The following PTPRG variants were observed in gnomAD, a reference collection of about 807,000 sequenced individuals.
PTPRG encodes receptor-type tyrosine-protein phosphatase gamma.
Under a neutral mutation model 165.3 loss-of-function variants are expected in PTPRG, and 102 were observed. The observed-to-expected ratio is 0.62, with a 90% CI of 0.53 to 0.73. The LOEUF is 0.73. PTPRG is among the 30% of genes least tolerant of loss of function. The pLI is 0.00. For missense variants in PTPRG, 1,866 were observed against 1,861.4 expected (o/e 1.00, Z -0.05); for synonymous variants, 675 against 669.5 (o/e 1.01, Z -0.13).
chr3:61,682,445 A>G (rs1312316558), intron 1 of PTPRG, among the ~76,000 whole-genome samples: 1 of 152,188 alleles, frequency 6.6e-6, no homozygotes, highest in Non-Finnish European at 1.5e-5. Flanking sequence ...GGTATGGGTG[A>G]TGGGGACATA....
At chr3:61,642,269 A>T (rs1010872169) in intron 1 of PTPRG, among the ~76,000 whole-genome samples, 5 of 152,102 alleles carry the variant, frequency 3.3e-5, no homozygotes, top group African/African-American at 1.2e-4. Context: ...TTGTAAAGCC[A>T]TCATTCAGTT....
chr3:61,880,338 A>G (rs2037850144), intron 2 of PTPRG, among the ~76,000 whole-genome samples: 1 of 152,200 alleles, frequency 6.6e-6, no homozygotes, highest in Non-Finnish European at 1.5e-5. Flanking sequence ...GGCCGTGCAC[A>G]ATGGCTCATG....
chr3:62,039,562 T>C (rs1043599190), intron 4 of PTPRG, among the ~76,000 whole-genome samples: 45 of 152,236 alleles, frequency 3.0e-4, no homozygotes, highest in African/African-American at 1.0e-3. Flanking sequence ...TACAGAAATA[T>C]GAACTTCAGT....
chr3:61,734,467 A>G (rs1048873548), intron 1 of PTPRG, among the ~76,000 whole-genome samples: 1 of 152,066 alleles, frequency 6.6e-6, no homozygotes, highest in Non-Finnish European at 1.5e-5. Flanking sequence ...CATTTAATAA[A>G]CCTTTGTAAG....
intron 6 of PTPRG, among the ~76,000 whole-genome samples, chr3:62,156,043 C>G (rs1704524307): frequency 6.6e-6 from 1 of 152,230 alleles, no homozygotes; most frequent in Non-Finnish European, 1.5e-5. Flanking sequence ...AGAACCTTCT[C>G]TGACTCACGA....
At chr3:61,813,141 C>T (rs1004697687) in intron 2 of PTPRG, among the ~76,000 whole-genome samples, 12 of 151,566 alleles carry the variant, frequency 7.9e-5, no homozygotes, top group African/African-American at 1.9e-4. Flanking sequence ...TGGGGCTCAA[C>T]GGAATGGTAG....
intron 1 of PTPRG, among the ~76,000 whole-genome samples, chr3:61,716,555 CT>C (rs150174121): frequency 0.065 from 9,879 of 152,200 alleles, 590 homozygotes; most frequent in African/African-American, 0.16. Flanking sequence ...ATTGCGTACT[CT>C]TTTTTTCTCT....
chr3:62,161,364 G>A (rs1003022961), intron 7 of PTPRG, among the ~76,000 whole-genome samples: 1 of 152,116 alleles, frequency 6.6e-6, no homozygotes, highest in African/African-American at 2.4e-5. Context: ...AAACAAGTGA[G>A]ATTAATTTTA....
At chr3:61,898,743 G>A (rs1258556738) in intron 2 of PTPRG, among the ~76,000 whole-genome samples, 18 of 152,198 alleles carry the variant, frequency 1.2e-4, no homozygotes, top group Admixed American at 1.1e-3. Context: ...TCTACTTGCT[G>A]TTGAAGTGAA....
At chr3:61,897,661 C>T (rs1314389813) in intron 2 of PTPRG, among the ~76,000 whole-genome samples, 2 of 152,146 alleles carry the variant, frequency 1.3e-5, no homozygotes, top group Non-Finnish European at 2.9e-5. Context: ...TAGTATAGAT[C>T]AGTTTGGGGA....
intron 1 of PTPRG, among the ~76,000 whole-genome samples, chr3:61,579,830 G>A (rs1372809810): frequency 6.6e-6 from 1 of 152,216 alleles, no homozygotes; most frequent in Non-Finnish European, 1.5e-5. Context: ...CTTGGCCACT[G>A]TAGGGATACA....
At chr3:62,215,304 C>CT (rs1292674267) in intron 12 of PTPRG, among the ~76,000 whole-genome samples, 1 of 152,174 alleles carries the variant, frequency 6.6e-6, no homozygotes, top group Non-Finnish European at 1.5e-5. Flanking sequence ...ATGAAATCAA[C>CT]TTTATCATGC....
chr3:62,215,572 C>T (rs187149040), intron 12 of PTPRG, among the ~76,000 whole-genome samples: 118 of 133,426 alleles, frequency 8.8e-4, no homozygotes, highest in African/African-American at 3.1e-3. Context: ...AATTATTACA[C>T]ACTTTCACCA....
At chr3:61,776,411 C>A (rs2034383563) in intron 2 of PTPRG, among the ~76,000 whole-genome samples, 1 of 152,196 alleles carries the variant, frequency 6.6e-6, no homozygotes, top group Non-Finnish European at 1.5e-5. Context: ...AGGCGCTTTC[C>A]CCTGCTGTGC....
intron 2 of PTPRG, among the ~76,000 whole-genome samples, chr3:61,902,771 T>G (rs2038531896): frequency 6.6e-6 from 1 of 152,146 alleles, no homozygotes; most frequent in Non-Finnish European, 1.5e-5. Flanking sequence ...CTGGTAAATC[T>G]TTATTGAGCA....
intron 1 of PTPRG, among the ~76,000 whole-genome samples, chr3:61,563,842 C>G (rs1040023887): frequency 3.3e-5 from 5 of 152,188 alleles, no homozygotes; most frequent in African/African-American, 1.2e-4. Flanking sequence ...GCGAATGCCC[C>G]CTTTGCAGAA....
chr3:62,020,845 G>GT (rs66464110), intron 4 of PTPRG, among the ~76,000 whole-genome samples: 47,820 of 145,416 alleles, frequency 0.33, 9,064 homozygotes, highest in African/African-American at 0.53. Flanking sequence ...GGTTTTTTTT[G>GT]TTTTTTTTTT....
At chr3:61,867,239 A>T (rs1008411326) in intron 2 of PTPRG, among the ~76,000 whole-genome samples, 1 of 152,084 alleles carries the variant, frequency 6.6e-6, no homozygotes, top group Non-Finnish European at 1.5e-5. Flanking sequence ...GCCCTCCTCC[A>T]TGGCCAAGGA....
rs2038537356 is a variant in PTPRG at position 61,903,009 on chromosome 3, A to G, written c.191-86616A>G. Among the ~76,000 whole-genome samples, 6 of 152,126 alleles carry G rather than the reference A, an allele frequency of 3.9e-5. No homozygotes were observed. In the South Asian group the frequency reaches 1.2e-3, roughly 32 times the overall value. On this transcript the variant is annotated intron_variant, in intron 2 of 29. Transcript: ENST00000474889. The stretch of plus-strand genomic sequence containing the variant: ...GGGGTTGAATGTGTGTGCCAGTAGC[A>G]TAGGCACATGTAAGACCTGCCAAAC...
Sources: allele counts gnomAD v4.1 joint callset (sites outside exome capture counted in the v4.1 genomes callset), GRCh38; gene constraint gnomAD v4.1.1; transcripts MANE v1.5; gene names NCBI Gene and HGNC (gene_info 2026-07-23, HGNC 2026-07-21).